HIPK2: variants seen among roughly 807,000 people sequenced by gnomAD.
HIPK2 encodes homeodomain interacting protein kinase 2, also known as homeodomain-interacting protein kinase 2.
In HIPK2, 27 loss-of-function variants were observed where a neutral mutation model predicts 113.7. The ratio of observed to expected loss-of-function variants is 0.24; its 90% CI spans 0.17 to 0.33. The LOEUF (loss-of-function observed/expected upper bound fraction) is 0.33. HIPK2 is among the 10% of genes least tolerant of loss of function. The pLI, the probability that HIPK2 is intolerant of heterozygous loss-of-function variation, is 1.00. For missense variants in HIPK2, 1,257 were observed against 1,588.0 expected (o/e 0.79, Z 3.54); for synonymous variants, 631 against 642.2 (o/e 0.98, Z 0.26).
At chr7:139,678,490 G>T (rs1172869533) in intron 2 of HIPK2, among the ~76,000 whole-genome samples, 1 of 152,220 alleles carries the variant, frequency 6.6e-6, no homozygotes, top group Non-Finnish European at 1.5e-5. Flanking sequence ...GGTTGCAGAT[G>T]TGTGGCATTA....
intron 2 of HIPK2, among the ~76,000 whole-genome samples, chr7:139,709,927 G>A (rs1171918731): frequency 2.0e-5 from 3 of 152,224 alleles, no homozygotes; most frequent in East Asian, 1.9e-4. Flanking sequence ...TCAAAGCATC[G>A]GAAAAGTTAA....
At position 139,596,884 on chromosome 7, in the gene HIPK2, G is replaced by C. The variant is rs747912671; in HGVS notation, c.2550C>G (p.Ala850=). ...ACCCACAGGTGACCGAGGTGCTGCAGGCCGGGCTACTGTGCACCATGGCAC... is the reference window on the plus strand; with the variant it reads ...ACCCACAGGTGACCGAGGTGCTGCACGCCGGGCTACTGTGCACCATGGCAC... ...PRCAMVHSSP[A]CSTSVTCGWG... The change falls in exon 12 of 15, where the codon GCC becomes GCG. Residue 850 remains alanine, a synonymous_variant. Coordinates refer to ENST00000406875, the MANE Select transcript of HIPK2 (RefSeq NM_022740.5). 1 of 1,613,958 alleles carries C rather than the reference G, an allele frequency of 6.2e-7. No homozygotes were observed. Among genetic ancestry groups the C allele is most frequent in the Non-Finnish European group, 8.5e-7 (1 of 1,179,880 alleles).
At chr7:139,728,193 T>TCC (rs1795646808) in intron 1 of HIPK2, among the ~76,000 whole-genome samples, 1 of 152,156 alleles carries the variant, frequency 6.6e-6, no homozygotes, top group Non-Finnish European at 1.5e-5. Context: ...TCCTCCTGCC[T>TCC]CACACTCTCA....
chr7:139,718,313 G>A (rs1795308082), intron 1 of HIPK2, among the ~76,000 whole-genome samples: 1 of 152,166 alleles, frequency 6.6e-6, no homozygotes. Flanking sequence ...GCCCTGTTGG[G>A]GGTTGGCTAA....
At chr7:139,642,539 G>C (rs1801062451) in intron 2 of HIPK2, among the ~76,000 whole-genome samples, 1 of 152,204 alleles carries the variant, frequency 6.6e-6, no homozygotes, top group Admixed American at 6.5e-5. Context: ...CTCCCCACAG[G>C]ATGAATCCAC....
In HIPK2 at chr7:139,600,449, G is replaced by A. The variant is rs372586889; in HGVS notation, c.2403C>T (p.Ser801=). ...MRQQPTSTTS[S]RKSKQHQSSV... is the part of the protein sequence containing the mutation. ...ATGACTGGTGCTGCTTACTCTTCCG[G>A]GAGGAGGTGGTGCTGGTTGGCTGCT... The change falls in exon 11 of 15, where the codon TCC becomes TCT. Residue 801 remains serine (S), a synonymous_variant. Transcript: ENST00000406875. 5 of 1,613,820 alleles carry A rather than the reference G, an allele frequency of 3.1e-6. No individual in the cohort carries two copies. Among genetic ancestry groups the A allele is most frequent in the Non-Finnish European group, 4.2e-6 (5 of 1,179,888 alleles).
chr7:139,773,037 A>C (rs1423758663), intron 1 of HIPK2, among the ~76,000 whole-genome samples: 4 of 152,136 alleles, frequency 2.6e-5, no homozygotes, highest in African/African-American at 9.7e-5. Flanking sequence ...CTGTAAAGTC[A>C]GGGACAGGGA....
At chr7:139,691,976 C>T (rs1794419835) in intron 2 of HIPK2, among the ~76,000 whole-genome samples, 1 of 151,974 alleles carries the variant, frequency 6.6e-6, no homozygotes, top group Non-Finnish European at 1.5e-5. Context: ...GTATTAAATC[C>T]ACCAAAACCA....
chr7:139,575,088 G>A (rs369816508), intron 14 of HIPK2, 40 bp downstream of exon 14: 479 of 1,551,680 alleles, frequency 3.1e-4, no homozygotes, highest in Non-Finnish European at 4.0e-4. Flanking sequence ...TGAGGGGATG[G>A]GGGCCCTGCC....
rs536946956 is a variant in HIPK2, at chr7:139,630,330, C to A, written c.1347+835G>T. On this transcript the variant is annotated intron_variant, in intron 4 of 14. Transcript: ENST00000406875. The surrounding 1 kb of genome is among the most constrained non-coding windows in gnomAD (Gnocchi z 4.0). ...ACCAGGCAGCCTCCTTTGCCTGGAA[C>A]CCCTCTCCCTAACCCCCATCACCCC... Among the ~76,000 whole-genome samples, 5 of 152,256 alleles carry A rather than the reference C, an allele frequency of 3.3e-5. No individual in the cohort carries two copies. The highest frequency in any genetic ancestry group is 2.1e-4 in the South Asian group (1 of 4,826).
intron 13 of HIPK2, among the ~76,000 whole-genome samples, chr7:139,581,501 C>T (rs1798667568): frequency 6.6e-6 from 1 of 152,232 alleles, no homozygotes. Context: ...AGAAACTTCA[C>T]TAACCCCAAC....
chr7:139,587,570 G>C (rs903635763), intron 12 of HIPK2, among the ~76,000 whole-genome samples: 3 of 150,696 alleles, frequency 2.0e-5, no homozygotes, highest in African/African-American at 7.3e-5. Context: ...GCTCAGTAGA[G>C]ACACCCAGAG....
intron 2 of HIPK2, among the ~76,000 whole-genome samples, chr7:139,670,344 T>G (rs9769817): frequency 0.92 from 139,788 of 151,934 alleles, 64,469 homozygotes; most frequent in East Asian, 0.99. Flanking sequence ...AGCATTGTGG[T>G]AGGCTGAAGA....
chr7:139,681,006 A>C (rs1802681199), intron 2 of HIPK2, among the ~76,000 whole-genome samples: 1 of 152,134 alleles, frequency 6.6e-6, no homozygotes, highest in South Asian at 2.1e-4. Flanking sequence ...CTTTCCTCTT[A>C]GCTGGCGCTG....
intron 14 of HIPK2, 133 bp from the exon 15 acceptor site, chr7:139,573,530 T>G: frequency 1.2e-6 from 1 of 827,008 alleles, no homozygotes; most frequent in South Asian, 1.7e-5. Context: ...GGCTTCCCTC[T>G]GTGTGTTGAG....
chr7:139,734,646 A>C (rs184001582), intron 1 of HIPK2, among the ~76,000 whole-genome samples: 139 of 152,376 alleles, frequency 9.1e-4, no homozygotes, highest in African/African-American at 3.3e-3. Context: ...TAAGCTCACA[A>C]GCCTGGGAAG....
In HIPK2 at chr7:139,572,872, C is replaced by T; in HGVS notation, c.*55G>A. On this transcript the variant is annotated 3_prime_UTR_variant, in exon 15 of 15. Transcript: ENST00000406875. Reference sequence around the variant, plus strand: ...CCAGGAGCGCCTCCCTCCTTCTCTCCCTCCTCCCTCGGGCCATTCTCTCCC... The same window carrying T: ...CCAGGAGCGCCTCCCTCCTTCTCTCTCTCCTCCCTCGGGCCATTCTCTCCC... The T allele has an allele frequency of 7.1e-7, 1 of 1,415,214 alleles. No homozygotes were observed. Among genetic ancestry groups the T allele is most frequent in the Non-Finnish European group, 9.3e-7 (1 of 1,075,526 alleles). The allele number at this position is 1,415,214 out of a possible 1,614,324, so 87.7% of individuals were successfully genotyped here.
chr7:139,628,965 A>C lies in HIPK2; in HGVS notation c.1422T>G (p.Asp474Glu), dbSNP rs1213919449. The C allele has an allele frequency of 1.3e-6, 2 of 1,594,238 alleles. No individual in the cohort carries two copies. Among genetic ancestry groups the C allele is most frequent in the South Asian group, 2.3e-5 (2 of 87,946 alleles). ...EARKYIFNCL[D>E]DMAQVNMTTD... is the part of the protein sequence containing the mutation. The stretch of plus-strand genomic sequence containing the variant: ...CCATGAAGCTTACCTGGGCCATATC[A>C]TCTAAACAGTTGAAAATGTACTTTC... The change falls in exon 5 of 15, where the codon GAT becomes GAG. Residue 474 changes from aspartate to glutamate, a missense_variant. Around this residue, in one of 5 missense-constraint regions of HIPK2, gnomAD observed 862 missense variants for 1,004.3 expected, o/e 0.86. Transcript: ENST00000406875.
intron 13 of HIPK2, among the ~76,000 whole-genome samples, chr7:139,575,715 T>C (rs1336429795): frequency 6.6e-6 from 1 of 152,196 alleles, no homozygotes; most frequent in African/African-American, 2.4e-5. Context: ...GTGTTTAGGG[T>C]GGGGCCAGTA....
Sources: gnomAD v4.1 joint callset for allele counts (sites outside exome capture counted in the v4.1 genomes callset) on GRCh38, gnomAD v4.1.1 for gene constraint, gnomAD v4.1.1 regional missense constraint, Gnocchi (gnomAD v3.1) non-coding constraint, MANE v1.5 for transcripts, NCBI Gene and HGNC (gene_info 2026-07-23, HGNC 2026-07-21) for gene names.